The following RABGAP1 variants were observed in gnomAD, a reference collection of about 807,000 sequenced individuals.
The protein encoded by RABGAP1 is RAB GTPase activating protein 1, also known as rab GTPase-activating protein 1.
A neutral mutation model predicts 137.6 loss-of-function variants in RABGAP1; 23 were observed. That is an observed-to-expected ratio of 0.17 (90% CI 0.12 to 0.24). The LOEUF is 0.24. RABGAP1 is among the 10% of genes least tolerant of loss of function. RABGAP1 has a pLI of 1.00. For missense variants in RABGAP1, 906 were observed against 1,275.8 expected, an observed-to-expected ratio of 0.71 and a Z score of 4.42; for synonymous variants, 451 against 450.7, an observed-to-expected ratio of 1.00 and a Z score of -0.01.
rs1375110031 is a variant in RABGAP1 at position 122,957,039 on chromosome 9, G to A, written c.-21G>A. ...TTAAAAAATATTTAATCATTCATGTGTTGAGACTCATTCTTGAGTTATGGA... is the reference window on the plus strand; with the variant it reads ...TTAAAAAATATTTAATCATTCATGTATTGAGACTCATTCTTGAGTTATGGA... On this transcript the variant is annotated 5_prime_UTR_variant, in exon 2 of 26. Coordinates refer to ENST00000373647, the MANE Select transcript of RABGAP1 (RefSeq NM_012197.4). 1.4e-6 allele frequency: 2 copies of A among 1,478,770 alleles called. No homozygotes were observed. Among genetic ancestry groups the A allele is most frequent in the African/African-American group, 2.7e-5 (2 of 72,754 alleles). 91.6% of individuals were successfully genotyped at this position (1,478,770 alleles called of 1,614,324 possible).
At chr9:122,961,932 A>G (rs1834875891) in intron 2 of RABGAP1, among the ~76,000 whole-genome samples, 1 of 152,242 alleles carries the variant, frequency 6.6e-6, no homozygotes, top group Non-Finnish European at 1.5e-5. Context: ...GAATAAATGA[A>G]GAAAACCAGA....
At chr9:123,103,034 G>A in intron 25 of RABGAP1, 57 bp from the exon 26 acceptor site, 1 of 1,586,294 alleles carries the variant, frequency 6.3e-7, no homozygotes, top group Non-Finnish European at 8.6e-7. Flanking sequence ...CTCCTCTGGG[G>A]AGCCAGTGTC....
intron 13 of RABGAP1, chr9:123,035,601 T>A (rs2131997821): frequency 6.3e-7 from 1 of 1,588,678 alleles, no homozygotes; most frequent in Non-Finnish European, 8.5e-7. Flanking sequence ...GCCCTCTTAA[T>A]GGATGTCATA....
intron 13 of RABGAP1, among the ~76,000 whole-genome samples, chr9:123,051,722 A>G (rs879425447): frequency 6.6e-6 from 1 of 151,506 alleles, no homozygotes; most frequent in Non-Finnish European, 1.5e-5. Context: ...TTTTAGTTAT[A>G]AGAGTCTAGA....
chr9:122,970,545 A>G (rs1835415496), intron 2 of RABGAP1, among the ~76,000 whole-genome samples: 1 of 152,186 alleles, frequency 6.6e-6, no homozygotes, highest in South Asian at 2.1e-4. Flanking sequence ...TTGGGGTACA[A>G]TTACACCCAG....
chr9:123,018,215 T>C (rs1166625280), intron 12 of RABGAP1, among the ~76,000 whole-genome samples: 2 of 152,314 alleles, frequency 1.3e-5, no homozygotes, highest in East Asian at 3.9e-4. Flanking sequence ...AGGATGGTCC[T>C]GATCTCCTGA....
intron 12 of RABGAP1, among the ~76,000 whole-genome samples, chr9:123,017,572 A>C (rs2031325367): frequency 6.6e-6 from 1 of 152,216 alleles, no homozygotes; most frequent in Non-Finnish European, 1.5e-5. Flanking sequence ...AAAGCCTGGT[A>C]GACCTGGTTT....
chr9:122,997,729 C>G (rs1318008865), intron 9 of RABGAP1, among the ~76,000 whole-genome samples: 1 of 152,054 alleles, frequency 6.6e-6, no homozygotes, highest in Non-Finnish European at 1.5e-5. Context: ...GGGCTCTGTC[C>G]CAAAGGAATC....
intron 7 of RABGAP1, 94 bp downstream of exon 7, chr9:122,996,245 A>G (rs1837016888): frequency 4.1e-6 from 6 of 1,454,568 alleles, no homozygotes; most frequent in Non-Finnish European, 4.5e-6. Flanking sequence ...ATGTATTTCC[A>G]AAGAATTTTG....
intron 24 of RABGAP1, among the ~76,000 whole-genome samples, chr9:123,100,484 G>A (rs529366966): frequency 1.6e-3 from 237 of 151,302 alleles, no homozygotes; most frequent in African/African-American, 5.4e-3. Flanking sequence ...GTGCAGTGGC[G>A]CCATCTCGGC....
At chr9:122,945,146 G>GTTTTTTTTTTTTTTTTTTTTT (rs1564348056) in intron 1 of RABGAP1, among the ~76,000 whole-genome samples, 4 of 9,178 alleles carry the variant, frequency 4.4e-4, no homozygotes, top group Non-Finnish European at 2.6e-3. Context: ...CATAGCTGTT[G>GTTTTTTTTTTTTTTTTTTTTT]CTTTTTTTTT....
chr9:123,099,255 G>C (rs1158807038), intron 23 of RABGAP1, among the ~76,000 whole-genome samples: 1 of 152,200 alleles, frequency 6.6e-6, no homozygotes, highest in Non-Finnish European at 1.5e-5. Context: ...TGGCCATTGA[G>C]TGTGGTGCTG....
intron 6 of RABGAP1, chr9:122,990,550 A>C (rs918900540): frequency 6.3e-6 from 1 of 158,366 alleles, no homozygotes; most frequent in Non-Finnish European, 1.4e-5. Context: ...CGGACGGATC[A>C]CCTGAGGTCG....
chr9:122,991,884 AGC>A (rs1448744776), intron 6 of RABGAP1, among the ~76,000 whole-genome samples: 2 of 152,086 alleles, frequency 1.3e-5, no homozygotes, highest in Non-Finnish European at 2.9e-5. Context: ...TACAGGCATG[AGC>A]CAACCATTCC....
chr9:122,974,986 C>T (rs913574332), intron 2 of RABGAP1, among the ~76,000 whole-genome samples: 2 of 152,174 alleles, frequency 1.3e-5, no homozygotes, highest in African/African-American at 2.4e-5. Flanking sequence ...TTGGTTATTT[C>T]GTGTCATGTA....
chr9:122,958,358 T>TA (rs200443377), intron 2 of RABGAP1, among the ~76,000 whole-genome samples: 2,166 of 152,070 alleles, frequency 0.014, 55 homozygotes, highest in African/African-American at 0.05. Context: ...ATGGGGGAAA[T>TA]AGACTCTAAG....
rs141893899 is a variant in RABGAP1, at chr9:123,068,900, A to G, written c.1909-1450A>G. ...ATATATTCTAAACATACCCAATTCT[A>G]AGTTGCTTTCTTGGGACACAGAGCA... On this transcript the variant is annotated intron_variant, in intron 14 of 25. Coordinates refer to ENST00000373647, the MANE Select transcript of RABGAP1 (RefSeq NM_012197.4). 5.5e-3 allele frequency among the ~76,000 whole-genome samples: 837 copies of G among 152,374 alleles called. 8 individuals carry two copies. The highest frequency in any genetic ancestry group is 0.019 in the African/African-American group (796 of 41,588).
At chr9:123,057,054 G>A (rs1288903691) in intron 13 of RABGAP1, among the ~76,000 whole-genome samples, 40 of 151,726 alleles carry the variant, frequency 2.6e-4, no homozygotes, top group Non-Finnish European at 1.9e-4. Context: ...AGGGGCGGCC[G>A]GGCAGAGGCG....
chr9:123,042,913 T>G (rs545490153), intron 13 of RABGAP1, among the ~76,000 whole-genome samples: 4 of 152,322 alleles, frequency 2.6e-5, no homozygotes, highest in African/African-American at 7.2e-5. Context: ...TAAAAGCTTC[T>G]TGAATGGGGT....
Sources: allele counts gnomAD v4.1 joint callset (sites outside exome capture counted in the v4.1 genomes callset), GRCh38; gene constraint gnomAD v4.1.1; transcripts MANE v1.5; gene names NCBI Gene and HGNC (gene_info 2026-07-23, HGNC 2026-07-21).